The following MARK3 variants were observed in gnomAD, a reference collection of about 807,000 sequenced individuals.
MARK3 encodes microtubule affinity regulating kinase 3.
MARK3 carries 46 observed loss-of-function variants against 90.1 expected under a neutral mutation model. The observed-to-expected ratio is 0.51, with a 90% CI of 0.40 to 0.65. The LOEUF is 0.65. Among genes scored for constraint, MARK3 ranks in the 30% least tolerant of loss-of-function variants. The pLI, the probability that MARK3 is intolerant of heterozygous loss-of-function variation, is 0.00. For missense variants in MARK3, 818 were observed against 947.2 expected, an observed-to-expected ratio of 0.86 and a Z score of 1.79; for synonymous variants, 321 against 332.6, an observed-to-expected ratio of 0.97 and a Z score of 0.38.
intron 14 of MARK3, among the ~76,000 whole-genome samples, chr14:103,480,865 CAG>C (rs2093807172): frequency 6.6e-6 from 1 of 152,134 alleles, no homozygotes. Context: ...GGACGTGAGG[CAG>C]AGAGTCATAC....
intron 5 of MARK3, among the ~76,000 whole-genome samples, 173 bp downstream of exon 5, chr14:103,452,156 A>G (rs879912782): frequency 1.3e-5 from 2 of 152,158 alleles, no homozygotes; most frequent in Non-Finnish European, 2.9e-5. Flanking sequence ...GGTTGCCATG[A>G]AGTGTTTCAC....
intron 14 of MARK3, chr14:103,489,472 TAAG>T (rs895922739): frequency 2.6e-5 from 4 of 152,290 alleles, no homozygotes; most frequent in Admixed American, 1.3e-4. Context: ...GTTTATATGT[TAAG>T]AAGTTCTCAG....
chr14:103,482,150 G>A (rs1035662053), intron 14 of MARK3, among the ~76,000 whole-genome samples: 3 of 152,038 alleles, frequency 2.0e-5, no homozygotes, highest in African/African-American at 4.8e-5. Flanking sequence ...TAGTTCAAAA[G>A]TGACTTAATA....
intron 7 of MARK3, among the ~76,000 whole-genome samples, chr14:103,462,991 C>T (rs1292959126): frequency 6.6e-6 from 1 of 152,170 alleles, no homozygotes; most frequent in East Asian, 1.9e-4. Flanking sequence ...CCTCCTGTTA[C>T]AGGAAAGTGG....
chr14:103,387,416 T>C (rs1032228368), intron 1 of MARK3, among the ~76,000 whole-genome samples: 16 of 152,214 alleles, frequency 1.1e-4, no homozygotes, highest in Non-Finnish European at 2.2e-4. Flanking sequence ...TAGAAACTCT[T>C]AGACTAGGTG....
At chr14:103,481,757 C>CTATTTTTTTTTTTTT (rs2093823882) in intron 14 of MARK3, among the ~76,000 whole-genome samples, 1 of 49,778 alleles carries the variant, frequency 2.0e-5, no homozygotes, top group Non-Finnish European at 3.3e-5. Context: ...ATAGGTATTT[C>CTATTTTTTTTTTTTT]TTTTTTTTTT....
intron 13 of MARK3, 95 bp from the exon 14 acceptor site, chr14:103,480,292 A>G: frequency 2.6e-6 from 2 of 767,362 alleles, no homozygotes; most frequent in Non-Finnish European, 4.4e-6. Context: ...AAGTAAATAA[A>G]AGACTGACAT....
rs1376022729 is a variant in MARK3, at chr14:103,491,722, A to G, written c.1587-55A>G. The G allele has an allele frequency of 3.8e-6, 6 of 1,576,846 alleles. No individual in the cohort carries two copies. In the Admixed American group the frequency reaches 1.0e-4, roughly 27 times the overall value. On this transcript the variant is annotated intron_variant, in intron 14 of 17. Transcript: ENST00000429436. ...CACTGTGTATAAAAGGTATATTGTG[A>G]CTGTAAATTTTTGTATATCATGTTC...
At chr14:103,492,502 A>T (rs1224769701) in intron 15 of MARK3, among the ~76,000 whole-genome samples, 1 of 152,180 alleles carries the variant, frequency 6.6e-6, no homozygotes, top group Non-Finnish European at 1.5e-5. Flanking sequence ...TAAGAGTCCA[A>T]ATCTTGAAAG....
intron 1 of MARK3, among the ~76,000 whole-genome samples, chr14:103,391,414 C>G (rs768816796): frequency 6.6e-6 from 1 of 152,114 alleles, no homozygotes; most frequent in African/African-American, 2.4e-5. Context: ...AAAAGCAATA[C>G]TTTTATCATA....
At chr14:103,452,361 C>G (rs995449315) in intron 5 of MARK3, among the ~76,000 whole-genome samples, 4 of 151,938 alleles carry the variant, frequency 2.6e-5, no homozygotes, top group Admixed American at 2.6e-4. Context: ...CCATTAAACA[C>G]TAACTCTCCA....
chr14:103,496,272 G>A (rs768866522), intron 15 of MARK3, among the ~76,000 whole-genome samples: 1 of 152,102 alleles, frequency 6.6e-6, no homozygotes, highest in South Asian at 2.1e-4. Flanking sequence ...CAGTAACCCT[G>A]ATTTTTCCGG....
intron 2 of MARK3, among the ~76,000 whole-genome samples, chr14:103,420,105 A>T (rs2092144090): frequency 6.6e-6 from 1 of 152,212 alleles, no homozygotes; most frequent in Non-Finnish European, 1.5e-5. Flanking sequence ...TTATATAACT[A>T]AAAAGCATAA....
At position 103,468,166 on chromosome 14, in the gene MARK3, A is replaced by G. The variant is rs777326081; in HGVS notation, c.1244A>G (p.Gln415Arg). 8.7e-6 allele frequency: 14 copies of G among 1,613,848 alleles called. No homozygotes were observed. Among genetic ancestry groups the G allele is most frequent in the Non-Finnish European group, 1.2e-5 (14 of 1,179,968 alleles). ...AGAAGTGTTTCTTCAAGCCAAAAGC[A>G]AAGACGCTACAGTGACCATGGTAAG... is the stretch of plus-strand genomic sequence containing the variant. ...VQRSVSSSQKQRRYSDHAGPA... is the reference protein window; with the variant it reads ...VQRSVSSSQKRRRYSDHAGPA... The change falls in exon 12 of 18, where the codon CAA becomes CGA. Residue 415 changes from glutamine to arginine, a missense_variant. By Grantham distance (43) the Gln-to-Arg change is conservative. Coordinates refer to ENST00000429436, the MANE Select transcript of MARK3 (RefSeq NM_001128918.3).
chr14:103,467,143 C>T lies in MARK3; in HGVS notation c.1062C>T (p.Tyr354=), dbSNP rs548618808. 1.2e-5 allele frequency: 20 copies of T among 1,601,950 alleles called. No homozygotes were observed. The highest frequency in any genetic ancestry group is 6.7e-5 in the East Asian group (3 of 44,694). The change falls in exon 11 of 18, where the codon TAC becomes TAT. Residue 354 remains tyrosine (Y), a synonymous_variant. Transcript: ENST00000429436. The part of the protein sequence containing the change: ...EIQESLSKMK[Y]DEITATYLLL... ...AAGAATCTCTTAGTAAGATGAAATA[C>T]GATGAAATCACAGCTACATATTTGT...
chr14:103,486,646 C>G (rs888416645), intron 14 of MARK3, among the ~76,000 whole-genome samples: 10 of 152,078 alleles, frequency 6.6e-5, no homozygotes, highest in African/African-American at 2.4e-4. Flanking sequence ...AGCTTGATGA[C>G]CTTTTAGAAT....
chr14:103,484,186 T>C (rs1165835586), intron 14 of MARK3, among the ~76,000 whole-genome samples: 3 of 151,826 alleles, frequency 2.0e-5, no homozygotes, highest in Admixed American at 6.6e-5. Flanking sequence ...CTTTTTTTCT[T>C]TTTTTTTCTG....
intron 3 of MARK3, chr14:103,441,609 T>G (rs1021918506): frequency 5.9e-5 from 9 of 152,154 alleles, no homozygotes; most frequent in African/African-American, 2.2e-4. Flanking sequence ...CTTTAAGAAA[T>G]TCTTCTCTAC....
intron 2 of MARK3, chr14:103,417,576 A>T (rs529814966): frequency 6.6e-6 from 1 of 152,258 alleles, no homozygotes; most frequent in South Asian, 2.1e-4. Flanking sequence ...CTTGGTGCTC[A>T]TTGGACCCTT....
Sources: allele counts gnomAD v4.1 joint callset (sites outside exome capture counted in the v4.1 genomes callset), GRCh38; gene constraint gnomAD v4.1.1; transcripts MANE v1.5; gene names NCBI Gene and HGNC (gene_info 2026-07-23, HGNC 2026-07-21).